The following QSOX2 variants were observed in gnomAD, a reference collection of about 807,000 sequenced individuals.
QSOX2 encodes quiescin sulfhydryl oxidase 2.
A neutral mutation model predicts 61.7 loss-of-function variants in QSOX2; 46 were observed. The observed-to-expected ratio is 0.75, with a 90% confidence interval of 0.59 to 0.95. The LOEUF is 0.95. Among genes scored for constraint, QSOX2 ranks in the 40% least tolerant of loss-of-function variants. The probability of loss-of-function intolerance (pLI) is 0.00; values close to 1 mark genes in which losing one functional copy is unlikely to be tolerated. For missense variants in QSOX2, 879 were observed against 918.9 expected (o/e 0.96, Z 0.56); for synonymous variants, 383 against 388.4 (o/e 0.99, Z 0.16).
rs1830220937 is a variant in QSOX2 at position 136,222,044 on chromosome 9, C to T, written c.676-103G>A. Reference sequence around the variant, plus strand: ...TTGCAGGGAACCTTTCACAAAAGGGCATGAAGTCTGTCCCCCTGCAGGCAA... The same window carrying T: ...TTGCAGGGAACCTTTCACAAAAGGGTATGAAGTCTGTCCCCCTGCAGGCAA... On this transcript the variant is annotated intron_variant, in intron 5 of 11. Transcript: ENST00000358701. The surrounding 1 kb of genome is among the most constrained non-coding windows in gnomAD (Gnocchi z 6.9). The T allele has an allele frequency of 8.0e-7, 1 of 1,245,514 alleles. No individual in the cohort carries two copies. Among genetic ancestry groups the T allele is most frequent in the Non-Finnish European group, 1.1e-6 (1 of 924,692 alleles). The allele number at this position is 1,245,514 out of a possible 1,614,324, so 77.2% of individuals were successfully genotyped here.
chr9:136,234,994 T>A (rs1830367633), intron 1 of QSOX2, among the ~76,000 whole-genome samples: 1 of 152,168 alleles, frequency 6.6e-6, no homozygotes, highest in African/African-American at 2.4e-5. Flanking sequence ...TTCATCTGAG[T>A]CTACCCTGAC....
intron 8 of QSOX2, among the ~76,000 whole-genome samples, chr9:136,217,159 G>A (rs754943048): frequency 2.6e-5 from 4 of 152,260 alleles, no homozygotes; most frequent in South Asian, 2.1e-4. Context: ...TATGAAGGGC[G>A]CGCGGCAGTG....
rs1225712174 is a variant in QSOX2, at chr9:136,207,186, A to G, written c.*1542T>C. On this transcript the variant is annotated 3_prime_UTR_variant, in exon 12 of 12. Coordinates refer to ENST00000358701, the MANE Select transcript of QSOX2 (RefSeq NM_181701.4). ...GTTCTCAGCCCAGCCATTCTGTGAC[A>G]GTTGTTGAAAGAATCAGCTGTTGCC... 6.6e-6 allele frequency: 1 copy of G among 152,322 alleles called. No individual in the cohort carries two copies. Among genetic ancestry groups the G allele is most frequent in the African/African-American group, 2.4e-5 (1 of 41,416 alleles). The allele number at this position is 152,322 out of a possible 1,614,324, so 9.4% of individuals were successfully genotyped here. A position where few individuals can be genotyped will look rare whatever the true frequency, so the allele number is the denominator to read the frequency against.
chr9:136,230,745 G>C (rs1329217864), intron 1 of QSOX2, among the ~76,000 whole-genome samples: 2 of 152,160 alleles, frequency 1.3e-5, no homozygotes, highest in African/African-American at 4.8e-5. Context: ...CTAACATTCT[G>C]AACCGAGCTG....
At chr9:136,219,224 A>C (rs896730960) in intron 6 of QSOX2, 60 bp from the exon 7 acceptor site, 25 of 1,574,270 alleles carry the variant, frequency 1.6e-5, no homozygotes, top group Non-Finnish European at 2.1e-5. Context: ...CTAAAGTAGG[A>C]GCCGTGGCAT....
intron 1 of QSOX2, among the ~76,000 whole-genome samples, chr9:136,231,915 C>CCTCCACCCT (rs1171591768): frequency 6.7e-6 from 1 of 148,262 alleles, no homozygotes; most frequent in Non-Finnish European, 1.5e-5. Flanking sequence ...CCCTCCACCC[C>CCTCCACCCT]CTCCACCCTC....
In QSOX2 at chr9:136,208,939, A is replaced by G. The variant is rs370999763; in HGVS notation, c.1886T>C (p.Leu629Ser). The change falls in exon 12 of 12, where the codon TTG (leucine) becomes TCG (serine). Residue 629 changes from leucine (L) to serine (S), a missense_variant. Coordinates refer to ENST00000358701, the MANE Select transcript of QSOX2 (RefSeq NM_181701.4). ...PALPESLHHS[L>S]DGKLQSLDGP... ...ATCCAGACTCTGGAGTTTCCCGTCC[A>G]AGCTGTGATGCAAGCTCTCTGGAAG... The G allele has an allele frequency of 1.2e-6, 2 of 1,613,716 alleles. No individual in the cohort carries two copies. Among genetic ancestry groups the G allele is most frequent in the Non-Finnish European group, 1.7e-6 (2 of 1,179,852 alleles).
At chr9:136,217,242 G>C (rs545975265) in intron 8 of QSOX2, among the ~76,000 whole-genome samples, 1 of 152,368 alleles carries the variant, frequency 6.6e-6, no homozygotes, top group East Asian at 1.9e-4. Flanking sequence ...CATCAACACA[G>C]CTTGGGGAGG....
chr9:136,211,065 C>T (rs972082548), intron 11 of QSOX2, among the ~76,000 whole-genome samples, 199 bp downstream of exon 11: 3 of 152,184 alleles, frequency 2.0e-5, no homozygotes, highest in Non-Finnish European at 2.9e-5. Context: ...TCTAGAAAGC[C>T]GGGGACAGAA....
chr9:136,225,271 C>T (rs571786133), intron 2 of QSOX2, among the ~76,000 whole-genome samples: 41 of 152,268 alleles, frequency 2.7e-4, no homozygotes, highest in East Asian at 5.8e-4. Flanking sequence ...TGTGACAACA[C>T]GGAGGATGTG....
chr9:136,243,777 A>C (rs932839196), intron 1 of QSOX2, among the ~76,000 whole-genome samples: 2 of 152,188 alleles, frequency 1.3e-5, no homozygotes, highest in Non-Finnish European at 2.9e-5. Flanking sequence ...TGGTCAGGTC[A>C]CCGCTGTCTT....
intron 2 of QSOX2, 144 bp downstream of exon 2, chr9:136,226,630 A>G: frequency 1.3e-6 from 1 of 744,918 alleles, no homozygotes; most frequent in East Asian, 2.5e-5. Flanking sequence ...AATTCCTACG[A>G]AGTTCCAAGG....
At chr9:136,216,518 G>C (rs1307108140) in intron 9 of QSOX2, 82 bp downstream of exon 9, 2 of 1,569,204 alleles carry the variant, frequency 1.3e-6, no homozygotes, top group Non-Finnish European at 1.7e-6. Context: ...GCCCCGAGCA[G>C]GGAGATGCAC....
In QSOX2 at chr9:136,234,767, T is replaced by C. The variant is rs567734141; in HGVS notation, c.329-7893A>G. On this transcript the variant is annotated intron_variant, in intron 1 of 11. Coordinates refer to ENST00000358701, the MANE Select transcript of QSOX2 (RefSeq NM_181701.4). ...TCTCCACAAGGCCCCCCAGCTCCACTGCGCCCGCCCCAGCCTCATCGCGCC... is the reference window on the plus strand; with the variant it reads ...TCTCCACAAGGCCCCCCAGCTCCACCGCGCCCGCCCCAGCCTCATCGCGCC... Among the ~76,000 whole-genome samples, 80 of 142,878 alleles carry C rather than the reference T, an allele frequency of 5.6e-4. 2 individuals are homozygous for C. The highest frequency in any genetic ancestry group is 2.2e-3 in the African/African-American group (79 of 35,124). 93.7% of individuals were successfully genotyped at this position (142,878 alleles called of 152,430 possible).
intron 1 of QSOX2, among the ~76,000 whole-genome samples, chr9:136,242,677 G>A (rs556226178): frequency 3.3e-5 from 5 of 152,372 alleles, no homozygotes; most frequent in Admixed American, 6.5e-5. Flanking sequence ...GGAGCCAGGC[G>A]CCAAGCAGAC....
chr9:136,208,995 A>G lies in QSOX2; in HGVS notation c.1830T>C (p.Arg610=), dbSNP rs1831812294. ...SHGDRDTQSV[R]PPGALGPRPA... The stretch of plus-strand genomic sequence containing the variant: ...GCCTGGGGCCCAGTGCACCAGGTGG[A>G]CGGACGCTCTGGGTGTCTCGGTCTC... Residue 610 remains arginine, a synonymous_variant, in exon 12 of 12, where the codon CGT becomes CGC. Transcript: ENST00000358701. 1 of 1,613,584 alleles carries G rather than the reference A, an allele frequency of 6.2e-7. No homozygotes were observed. Among genetic ancestry groups the G allele is most frequent in the African/African-American group, 1.3e-5 (1 of 74,896 alleles).
In QSOX2 at chr9:136,210,989, C is replaced by T. The variant is rs992540363; in HGVS notation, c.1549+275G>A. Reference sequence around the variant, plus strand: ...AGTCTAACGGGCTACCAGTGGGTACCGATGGGGGAAGAAAGAGCCACACCC... The same window carrying T: ...AGTCTAACGGGCTACCAGTGGGTACTGATGGGGGAAGAAAGAGCCACACCC... On this transcript the variant is annotated intron_variant, in intron 11 of 11. Coordinates refer to ENST00000358701, the MANE Select transcript of QSOX2 (RefSeq NM_181701.4). 14 of 769,156 alleles carry T rather than the reference C, an allele frequency of 1.8e-5. No homozygotes were observed. In the Admixed American group the frequency reaches 2.5e-4, roughly 14 times the overall value. 47.6% of individuals were successfully genotyped at this position (769,156 alleles called of 1,614,324 possible).
Position 136,221,528 on chromosome 9 carries a change from C to T in QSOX2, c.821+268G>A, listed in dbSNP as rs936513824. ...CCTCATGCATGTGCTGGTTTAGCCA[C>T]GGTTTCCTCTGCGACTCTTGGTAAG... is the stretch of plus-strand genomic sequence containing the variant. On this transcript the variant is annotated intron_variant, in intron 6 of 11. Coordinates refer to ENST00000358701, the MANE Select transcript of QSOX2 (RefSeq NM_181701.4). This position sits in a 1 kb window ranked among gnomAD's most constrained non-coding sequence, Gnocchi z 4.5. Among the ~76,000 whole-genome samples, 1 of 152,254 alleles carries T rather than the reference C, an allele frequency of 6.6e-6. No homozygotes were observed. Among genetic ancestry groups the T allele is most frequent in the Non-Finnish European group, 1.5e-5 (1 of 68,056 alleles).
intron 8 of QSOX2, among the ~76,000 whole-genome samples, chr9:136,218,166 G>A (rs1003474071): frequency 5.3e-5 from 8 of 152,288 alleles, no homozygotes; most frequent in African/African-American, 9.6e-5. Context: ...ATCTCTGCCC[G>A]CTCCTGGCGA....
Sources: allele counts gnomAD v4.1 joint callset (sites outside exome capture counted in the v4.1 genomes callset), GRCh38; gene constraint gnomAD v4.1.1; non-coding constraint Gnocchi (gnomAD v3.1); transcripts MANE v1.5; gene names NCBI Gene and HGNC (gene_info 2026-07-23, HGNC 2026-07-21).